RUBCN: variants seen among roughly 807,000 people sequenced by gnomAD.
RUBCN encodes the protein run domain Beclin-1-interacting and cysteine-rich domain-containing protein.
In RUBCN, 74 loss-of-function variants were observed where a neutral mutation model predicts 113.2. The observed-to-expected ratio is 0.65, with a 90% CI of 0.54 to 0.79. The LOEUF (loss-of-function observed/expected upper bound fraction) is 0.79. Ranked by LOEUF, RUBCN falls within the 30% of genes least tolerant of loss-of-function variation. The pLI is 0.00. For missense variants in RUBCN, 1,109 were observed against 1,251.7 expected, an observed-to-expected ratio of 0.89 and a Z score of 1.72; for synonymous variants, 480 against 490.0, an observed-to-expected ratio of 0.98 and a Z score of 0.27.
At chr3:197,724,462 G>T (rs986718228) in intron 1 of RUBCN, among the ~76,000 whole-genome samples, 1 of 152,166 alleles carries the variant, frequency 6.6e-6, no homozygotes, top group South Asian at 2.1e-4. Flanking sequence ...GTGATTCAAG[G>T]TAAGAAATAG....
At chr3:197,722,522 T>A (rs1417205128) in intron 1 of RUBCN, among the ~76,000 whole-genome samples, 1 of 151,846 alleles carries the variant, frequency 6.6e-6, no homozygotes, top group Non-Finnish European at 1.5e-5. Flanking sequence ...AGTTTTCGAC[T>A]GTTACTGTAT....
intron 10 of RUBCN, 156 bp from the exon 11 acceptor site, chr3:197,693,972 T>C (rs1345946391): frequency 1.6e-6 from 1 of 636,450 alleles, no homozygotes; most frequent in Non-Finnish European, 2.8e-6. Context: ...TACTACTATC[T>C]GGGAAGCAAA....
chr3:197,689,172 G>A lies in RUBCN; in HGVS notation c.1786+4543C>T, dbSNP rs190909983. On this transcript the variant is annotated intron_variant, in intron 11 of 19. Transcript: ENST00000296343. The stretch of plus-strand genomic sequence containing the variant: ...TCCAGAGTGCTGGGATTACAGGCAC[G>A]CACCACCACACACAGCTAATTCTAA... Among the ~76,000 whole-genome samples, 576 of 151,650 alleles carry A rather than the reference G, an allele frequency of 3.8e-3. 2 individuals carry two copies. The highest frequency in any genetic ancestry group is 5.0e-3 in the Non-Finnish European group (337 of 67,896).
Position 197,684,202 on chromosome 3 carries a change from C to A in RUBCN, c.1802G>T (p.Arg601Met), listed in dbSNP as rs1721578592. 1 of 1,613,576 alleles carries A rather than the reference C, an allele frequency of 6.2e-7. No homozygotes were observed. Among genetic ancestry groups the A allele is most frequent in the South Asian group, 1.1e-5 (1 of 91,064 alleles). The change falls in exon 12 of 20, where the codon AGG becomes ATG. Residue 601 changes from arginine to methionine, a missense_variant. Coordinates refer to ENST00000296343, the MANE Select transcript of RUBCN (RefSeq NM_014687.4). ...EFEIQDADIR[R>M]NTASSSKSFV... ...GGATTTGCTGCTTGAGGCTGTGTTC[C>A]TTCTGATGTCAGCATCTACATGGAA...
intron 2 of RUBCN, among the ~76,000 whole-genome samples, chr3:197,714,110 T>C (rs1483615600): frequency 4.6e-5 from 7 of 151,918 alleles, no homozygotes; most frequent in African/African-American, 1.2e-4. Context: ...AAAAGAGTTA[T>C]ATAATTTGCC....
intron 1 of RUBCN, among the ~76,000 whole-genome samples, chr3:197,719,819 A>AT (rs1293061892): frequency 6.6e-6 from 1 of 151,026 alleles, no homozygotes; most frequent in Non-Finnish European, 1.5e-5. Flanking sequence ...AAAAATTTTG[A>AT]TTGATACATA....
At chr3:197,706,217 A>C (rs1306802989) in intron 2 of RUBCN, among the ~76,000 whole-genome samples, 1 of 152,314 alleles carries the variant, frequency 6.6e-6, no homozygotes, top group East Asian at 1.9e-4. Flanking sequence ...GAGGCAAAGA[A>C]ATGCCCAGAC....
intron 11 of RUBCN, among the ~76,000 whole-genome samples, chr3:197,690,412 T>C (rs1000447494): frequency 3.3e-5 from 5 of 152,242 alleles, no homozygotes; most frequent in Middle Eastern, 6.3e-3. Context: ...CACTCCAGCA[T>C]GGGCAACAAG....
At chr3:197,701,915 C>G (rs757142273) in intron 5 of RUBCN, 51 bp from the exon 6 acceptor site, 2 of 1,570,126 alleles carry the variant, frequency 1.3e-6, no homozygotes, top group Non-Finnish European at 1.7e-6. Context: ...GGACAAAGGG[C>G]CTCAGAGTGG....
rs1337361886 is a variant in RUBCN at position 197,672,704 on chromosome 3, GTTT to G, written c.*2311_*2313del. On this transcript the variant is annotated 3_prime_UTR_variant, in exon 20 of 20. Coordinates refer to ENST00000296343, the MANE Select transcript of RUBCN (RefSeq NM_014687.4). The stretch of plus-strand genomic sequence containing the variant: ...AAAGAGCTGGATGTGTCACCTTTTT[GTTT>G]TTTGAGACGGAGTCTCACTCTGTCA... The G allele has an allele frequency of 6.6e-6, 1 of 152,314 alleles. No individual in the cohort carries two copies. Among genetic ancestry groups the G allele is most frequent in the Non-Finnish European group, 1.5e-5 (1 of 68,128 alleles). 9.4% of individuals were successfully genotyped at this position (152,314 alleles called of 1,614,324 possible). A position where few individuals can be genotyped will look rare whatever the true frequency, so the allele number is the denominator to read the frequency against.
At chr3:197,727,274 T>C (rs559629976) in intron 1 of RUBCN, among the ~76,000 whole-genome samples, 2 of 152,334 alleles carry the variant, frequency 1.3e-5, no homozygotes, top group African/African-American at 2.4e-5. Flanking sequence ...ATTTAAACTC[T>C]TGAAGCTTCA....
chr3:197,711,704 A>G (rs1268763941), intron 2 of RUBCN, among the ~76,000 whole-genome samples: 1 of 152,118 alleles, frequency 6.6e-6, no homozygotes, highest in East Asian at 1.9e-4. Flanking sequence ...AATTCTCTGT[A>G]AGGAAACTAG....
chr3:197,721,055 G>C (rs190678826), intron 1 of RUBCN, among the ~76,000 whole-genome samples: 8 of 151,972 alleles, frequency 5.3e-5, no homozygotes, highest in African/African-American at 1.9e-4. Flanking sequence ...TATACTCATC[G>C]GGGGTACTAG....
At chr3:197,746,917 G>A (rs1000429823) in intron 1 of RUBCN, among the ~76,000 whole-genome samples, 6 of 151,774 alleles carry the variant, frequency 4.0e-5, no homozygotes, top group East Asian at 1.9e-4. Context: ...GTGTGCATCC[G>A]TCTTGCTCAC....
Position 197,695,846 on chromosome 3 carries a change from T to C in RUBCN, c.1473+20A>G, listed in dbSNP as rs371300868. The C allele has an allele frequency of 8.6e-5, 138 of 1,610,346 alleles. No individual in the cohort carries two copies. In the African/African-American group the frequency reaches 1.6e-3, roughly 19 times the overall value. The stretch of plus-strand genomic sequence containing the variant: ...AATCTCCCAACTCATGAGCTCTTCA[T>C]GAGGCCCTCGATTTCCCACCTTTTC... On this transcript the variant is annotated intron_variant, in intron 9 of 19. Transcript: ENST00000296343.
At chr3:197,708,129 T>C (rs998752827) in intron 2 of RUBCN, among the ~76,000 whole-genome samples, 6 of 151,738 alleles carry the variant, frequency 4.0e-5, no homozygotes, top group Non-Finnish European at 7.4e-5. Context: ...TAAAGAAAAA[T>C]ATGTAAACAA....
Position 197,734,335 on chromosome 3 carries a change from C to T in RUBCN, c.65+2320G>A, listed in dbSNP as rs183449526. 2.3e-4 allele frequency among the ~76,000 whole-genome samples: 35 copies of T among 149,234 alleles called. 1 individual carries two copies. The highest frequency in any genetic ancestry group is 3.4e-3 in the Middle Eastern group (1 of 292). ...TGTAACCTCAGCACTTTTGAGAGGCCGAGGCTGGAGAATATCTTGAGCCCA... is the reference window on the plus strand; with the variant it reads ...TGTAACCTCAGCACTTTTGAGAGGCTGAGGCTGGAGAATATCTTGAGCCCA... On this transcript the variant is annotated intron_variant, in intron 1 of 19. Coordinates refer to ENST00000296343, the MANE Select transcript of RUBCN (RefSeq NM_014687.4).
chr3:197,737,921 C>T (rs991228479), upstream of RUBCN, among the ~76,000 whole-genome samples: 3 of 152,144 alleles, frequency 2.0e-5, no homozygotes, highest in Non-Finnish European at 2.9e-5. Flanking sequence ...CGGGGTCTCT[C>T]TCTGTCGCCC....
At chr3:197,692,955 A>G (rs950764469) in intron 11 of RUBCN, among the ~76,000 whole-genome samples, 1 of 152,210 alleles carries the variant, frequency 6.6e-6, no homozygotes, top group Non-Finnish European at 1.5e-5. Flanking sequence ...TACATACACA[A>G]TGTTGTAACA....
Sources: allele counts gnomAD v4.1 joint callset (sites outside exome capture counted in the v4.1 genomes callset), GRCh38; gene constraint gnomAD v4.1.1; transcripts MANE v1.5; gene names NCBI Gene and HGNC (gene_info 2026-07-23, HGNC 2026-07-21).